The following CDYL2 variants were observed in gnomAD, a reference collection of about 807,000 sequenced individuals.
CDYL2 encodes chromodomain Y like 2.
CDYL2 carries 23 observed loss-of-function variants against 49.4 expected under a neutral mutation model. The observed-to-expected ratio is 0.47, with a 90% confidence interval of 0.34 to 0.66. CDYL2 has a LOEUF of 0.66. Ranked by LOEUF, CDYL2 falls within the 30% of genes least tolerant of loss-of-function variation. CDYL2 has a pLI of 0.01. For missense variants in CDYL2, 678 were observed against 656.4 expected (o/e 1.03, Z -0.36); for synonymous variants, 360 against 268.8 (o/e 1.34, Z -3.32).
At chr16:80,605,806 A>G (rs1278980904) in intron 6 of CDYL2, among the ~76,000 whole-genome samples, 1 of 152,184 alleles carries the variant, frequency 6.6e-6, no homozygotes, top group Non-Finnish European at 1.5e-5. Flanking sequence ...TAAGAGAAAT[A>G]CTTTTCCTGA....
At chr16:80,725,292 A>T (rs868112779) in intron 1 of CDYL2, among the ~76,000 whole-genome samples, 1 of 152,178 alleles carries the variant, frequency 6.6e-6, no homozygotes. Flanking sequence ...ATCTTCCCTG[A>T]CATCCCTGAC....
intron 1 of CDYL2, among the ~76,000 whole-genome samples, chr16:80,730,689 T>C (rs1275440046): frequency 2.0e-5 from 3 of 152,208 alleles, no homozygotes; most frequent in African/African-American, 7.2e-5. Context: ...TGAACATTGA[T>C]GCAAAAATCC....
intron 2 of CDYL2, among the ~76,000 whole-genome samples, chr16:80,636,655 A>C (rs534999552): frequency 6.3e-4 from 96 of 152,330 alleles, no homozygotes; most frequent in African/African-American, 2.2e-3. Context: ...GCGATTCCTC[A>C]AGGATCTAGA....
At chr16:80,640,358 A>G (rs1421678549) in intron 2 of CDYL2, among the ~76,000 whole-genome samples, 2 of 152,170 alleles carry the variant, frequency 1.3e-5, no homozygotes, top group African/African-American at 4.8e-5. Flanking sequence ...CTTCAAGGGA[A>G]GGATCCCATC....
intron 2 of CDYL2, among the ~76,000 whole-genome samples, chr16:80,660,909 T>G (rs549608410): frequency 2.0e-5 from 3 of 152,110 alleles, no homozygotes; most frequent in Middle Eastern, 3.4e-3. Context: ...GAAGGAAAGA[T>G]AGAAACTTGT....
At chr16:80,728,754 C>T (rs545685497) in intron 1 of CDYL2, among the ~76,000 whole-genome samples, 26 of 152,258 alleles carry the variant, frequency 1.7e-4, no homozygotes, top group Admixed American at 1.0e-3. Flanking sequence ...GCGGATCTCT[C>T]GGCAGAAACT....
chr16:80,686,769 C>G (rs1910212084), intron 1 of CDYL2, among the ~76,000 whole-genome samples: 2 of 152,200 alleles, frequency 1.3e-5, no homozygotes, highest in Non-Finnish European at 2.9e-5. Context: ...AATAAATATG[C>G]AAATAACTAG....
intron 2 of CDYL2, chr16:80,679,750 C>T: frequency 2.2e-6 from 1 of 456,142 alleles, no homozygotes; most frequent in South Asian, 1.5e-5. Context: ...GCAGGCACAA[C>T]ACCATCTGCA....
intron 1 of CDYL2, among the ~76,000 whole-genome samples, chr16:80,686,593 G>C (rs2142479223): frequency 6.6e-6 from 1 of 152,268 alleles, no homozygotes; most frequent in East Asian, 1.9e-4. Flanking sequence ...TGAATACATG[G>C]GGTAATTTAT....
chr16:80,785,005 A>C (rs911090204), intron 1 of CDYL2, among the ~76,000 whole-genome samples: 1 of 152,200 alleles, frequency 6.6e-6, no homozygotes, highest in Non-Finnish European at 1.5e-5. Flanking sequence ...TTTGGTACAC[A>C]GGGAAGAAAA....
At chr16:80,670,194 G>C (rs554845210) in intron 2 of CDYL2, among the ~76,000 whole-genome samples, 1 of 152,290 alleles carries the variant, frequency 6.6e-6, no homozygotes, top group South Asian at 2.1e-4. Context: ...GAGTGATATG[G>C]TTTGCCTGTG....
intron 1 of CDYL2, among the ~76,000 whole-genome samples, chr16:80,766,646 G>A (rs1320695299): frequency 6.6e-6 from 1 of 152,166 alleles, no homozygotes; most frequent in East Asian, 1.9e-4. Flanking sequence ...TCCAAGAGGT[G>A]CAGAAATTGT....
At chr16:80,687,835 T>C (rs1597174919) in intron 1 of CDYL2, among the ~76,000 whole-genome samples, 2 of 152,210 alleles carry the variant, frequency 1.3e-5, no homozygotes, top group African/African-American at 2.4e-5. Flanking sequence ...CTTGGGGTTG[T>C]TGCGGAAAAT....
In CDYL2 at chr16:80,726,210, A is replaced by G. The variant is rs1259325789; in HGVS notation, c.25-41081T>C. 3.3e-5 allele frequency among the ~76,000 whole-genome samples: 5 copies of G among 152,316 alleles called. No homozygotes were observed. In the East Asian group the frequency reaches 9.7e-4, roughly 29 times the overall value. On this transcript the variant is annotated intron_variant, in intron 1 of 6. Transcript: ENST00000570137. ...TGCGTACATTTAAAATTTTCCACAT[A>G]CATGTTGCAAAGGGATTTGAGGAAC...
chr16:80,608,965 A>G (rs1210511426), intron 5 of CDYL2, among the ~76,000 whole-genome samples: 1 of 152,156 alleles, frequency 6.6e-6, no homozygotes, highest in African/African-American at 2.4e-5. Flanking sequence ...CTGGCAGCCA[A>G]AAAGGTCGTG....
intron 1 of CDYL2, among the ~76,000 whole-genome samples, chr16:80,731,815 T>G (rs1186326621): frequency 6.6e-6 from 1 of 151,904 alleles, no homozygotes. Flanking sequence ...CATCTAACTC[T>G]CTGAAGAATC....
chr16:80,804,075 G>GGCCCA, intron 1 of CDYL2, 75 bp downstream of exon 1: 1 of 941,280 alleles, frequency 1.1e-6, no homozygotes, highest in Non-Finnish European at 1.3e-6. Context: ...GCCCCGGCCC[G>GGCCCA]GTCCCCGCCG....
chr16:80,618,957 A>G (rs970963110), intron 4 of CDYL2, among the ~76,000 whole-genome samples: 1 of 152,184 alleles, frequency 6.6e-6, no homozygotes, highest in African/African-American at 2.4e-5. Context: ...AAAACAATCA[A>G]AAGGTATTCT....
chr16:80,670,172 C>G (rs909903610), intron 2 of CDYL2, among the ~76,000 whole-genome samples: 13 of 152,182 alleles, frequency 8.5e-5, no homozygotes, highest in African/African-American at 2.7e-4. Flanking sequence ...TCACATGAAA[C>G]AAATAAAACA....
Sources: gnomAD v4.1 joint callset for allele counts (sites outside exome capture counted in the v4.1 genomes callset) on GRCh38, gnomAD v4.1.1 for gene constraint, MANE v1.5 for transcripts, NCBI Gene and HGNC (gene_info 2026-07-23, HGNC 2026-07-21) for gene names.